PRKG1: variants seen among roughly 807,000 people sequenced by gnomAD.
PRKG1 encodes the protein protein kinase cGMP-dependent 1.
A neutral mutation model predicts 88.1 loss-of-function variants in PRKG1; 35 were observed. The observed-to-expected ratio is 0.40, with a 90% CI of 0.30 to 0.53. PRKG1 has a LOEUF of 0.53. Among genes scored for constraint, PRKG1 ranks in the 20% least tolerant of loss-of-function variants. PRKG1 has a pLI of 0.59. For synonymous variants in PRKG1, 303 were observed against 292.5 expected (o/e 1.04, Z -0.37); for missense variants, 540 against 839.8 (o/e 0.64, Z 4.41).
At chr10:51,206,571 G>A (rs1207407716) in intron 2 of PRKG1, among the ~76,000 whole-genome samples, 2 of 151,862 alleles carry the variant, frequency 1.3e-5, no homozygotes, top group Non-Finnish European at 2.9e-5. Flanking sequence ...ACCAATCTTA[G>A]GCCAAACATA....
chr10:51,467,677 C>A, intron 2 of PRKG1, 46 bp from the exon 3 acceptor site: 1 of 1,444,528 alleles, frequency 6.9e-7, no homozygotes, highest in Non-Finnish European at 9.7e-7. Context: ...ACAAATGAAG[C>A]ATGAGAAATA....
intron 5 of PRKG1, among the ~76,000 whole-genome samples, chr10:51,923,680 T>A (rs1304369128): frequency 6.6e-6 from 1 of 151,992 alleles, no homozygotes; most frequent in East Asian, 1.9e-4. Context: ...CTGTCCCTTA[T>A]AAGGTTGCTG....
chr10:51,617,707 T>C (rs1276116203), intron 3 of PRKG1, among the ~76,000 whole-genome samples: 3 of 152,230 alleles, frequency 2.0e-5, no homozygotes, highest in African/African-American at 7.2e-5. Flanking sequence ...CTACATTCTA[T>C]ATTTGCACAA....
At chr10:51,346,454 A>AT (rs1842116401) in intron 2 of PRKG1, among the ~76,000 whole-genome samples, 1 of 152,216 alleles carries the variant, frequency 6.6e-6, no homozygotes, top group African/African-American at 2.4e-5. Context: ...AGAAATTAAG[A>AT]TTTTTATCTA....
intron 2 of PRKG1, among the ~76,000 whole-genome samples, chr10:51,431,437 G>C (rs986409693): frequency 3.0e-4 from 46 of 152,328 alleles, no homozygotes; most frequent in African/African-American, 1.0e-3. Context: ...TGGCTAGTTT[G>C]AATAATTCTG....
chr10:50,991,351 A>G lies in PRKG1; in HGVS notation c.-28A>G, dbSNP rs1359041749. 1 of 1,480,452 alleles carries G rather than the reference A, an allele frequency of 6.8e-7. No homozygotes were observed. The highest frequency in any genetic ancestry group is 9.0e-7 in the Non-Finnish European group (1 of 1,113,542). The allele number at this position is 1,480,452 out of a possible 1,614,324, so 91.7% of individuals were successfully genotyped here. On this transcript the variant is annotated 5_prime_UTR_variant, in exon 1 of 18. Coordinates refer to the PRKG1 transcript ENST00000401604. This position sits in a 1 kb window ranked among gnomAD's most constrained non-coding sequence, Gnocchi z 4.5. The stretch of plus-strand genomic sequence containing the variant: ...GCCGCCGCCGCCGCCGCCCGAGAAA[A>G]AGTTTCGCGGAGGGGCTCAGTGAAA...
chr10:51,522,299 A>G (rs994081993), intron 3 of PRKG1, among the ~76,000 whole-genome samples: 6 of 152,212 alleles, frequency 3.9e-5, no homozygotes, highest in Non-Finnish European at 7.3e-5. Flanking sequence ...TTTCCCAACA[A>G]AACTTTACAA....
At chr10:51,832,787 C>A in intron 4 of PRKG1, among the ~76,000 whole-genome samples, 1 of 152,054 alleles carries the variant, frequency 6.6e-6, no homozygotes, top group Admixed American at 6.6e-5. Context: ...AAGGAGGTGG[C>A]AACACAAGCT....
intron 3 of PRKG1, among the ~76,000 whole-genome samples, chr10:51,563,850 T>C (rs1837532474): frequency 6.6e-6 from 1 of 152,128 alleles, no homozygotes; most frequent in African/African-American, 2.4e-5. Flanking sequence ...TTGGTATTTA[T>C]CAAAGACATC....
intron 10 of PRKG1, among the ~76,000 whole-genome samples, chr10:52,258,969 A>G (rs1841369845): frequency 6.6e-6 from 1 of 152,038 alleles, no homozygotes. Flanking sequence ...ATTCCAGGCA[A>G]GGGTTACAAC....
At chr10:51,679,113 A>G (rs1840781374) in intron 3 of PRKG1, among the ~76,000 whole-genome samples, 1 of 152,156 alleles carries the variant, frequency 6.6e-6, no homozygotes, top group Non-Finnish European at 1.5e-5. Context: ...TTCCTCCCTT[A>G]TTTTTAACTG....
chr10:51,219,021 G>A (rs1323565175), intron 2 of PRKG1, among the ~76,000 whole-genome samples: 1 of 152,080 alleles, frequency 6.6e-6, no homozygotes, highest in Non-Finnish European at 1.5e-5. Flanking sequence ...GAATTGTTTT[G>A]ATTAAATGAG....
intron 16 of PRKG1, among the ~76,000 whole-genome samples, 188 bp downstream of exon 16, chr10:52,289,181 A>G (rs1034741121): frequency 6.6e-6 from 1 of 152,088 alleles, no homozygotes; most frequent in Non-Finnish European, 1.5e-5. Context: ...TTATCTGACA[A>G]CCCTGTAACA....
chr10:51,365,087 A>G (rs1842562153), intron 2 of PRKG1, among the ~76,000 whole-genome samples: 1 of 151,940 alleles, frequency 6.6e-6, no homozygotes, highest in Non-Finnish European at 1.5e-5. Flanking sequence ...TACTAGCTCT[A>G]TAACTTTGGG....
chr10:51,993,323 A>AC (rs1564742967), intron 5 of PRKG1, among the ~76,000 whole-genome samples: 1 of 151,804 alleles, frequency 6.6e-6, no homozygotes, highest in African/African-American at 2.4e-5. Flanking sequence ...AAAACTTCTC[A>AC]TTAAAAAAAA....
chr10:51,825,357 T>G, intron 4 of PRKG1, among the ~76,000 whole-genome samples: 1 of 152,100 alleles, frequency 6.6e-6, no homozygotes, highest in East Asian at 1.9e-4. Flanking sequence ...TATCTGATCT[T>G]TGTAATGATG....
At chr10:51,144,449 G>T (rs1845892516) in intron 1 of PRKG1, among the ~76,000 whole-genome samples, 2 of 151,952 alleles carry the variant, frequency 1.3e-5, no homozygotes, top group East Asian at 1.9e-4. Context: ...AAGGCTCTTT[G>T]TACATTGTGG....
chr10:51,615,910 C>A (rs1249901195), intron 3 of PRKG1, among the ~76,000 whole-genome samples: 2 of 151,936 alleles, frequency 1.3e-5, no homozygotes, highest in Non-Finnish European at 2.9e-5. Flanking sequence ...TGTGTTCTGA[C>A]CTTGATATCT....
rs759292171 is a variant in PRKG1, at chr10:52,039,526, G to A, written c.763-14958G>A. ...GGGCGTACATGTGCAAATCACAGGG[G>A]ATGCGATGGCTTGGCTTGGGCTCAG... On this transcript the variant is annotated intron_variant, in intron 5 of 17. Transcript: ENST00000373980. Among the ~76,000 whole-genome samples the A allele has an allele frequency of 7.2e-4, 109 of 152,120 alleles. 1 individual carries two copies. The highest frequency in any genetic ancestry group is 4.1e-4 in the Non-Finnish European group (28 of 68,022).
Sources: allele counts gnomAD v4.1 joint callset (sites outside exome capture counted in the v4.1 genomes callset), GRCh38; gene constraint gnomAD v4.1.1; non-coding constraint Gnocchi (gnomAD v3.1); transcripts MANE v1.5; gene names NCBI Gene and HGNC (gene_info 2026-07-23, HGNC 2026-07-21).